DCAF4: variants seen among roughly 807,000 people sequenced by gnomAD.
DCAF4 encodes DDB1- and CUL4-associated factor 4.
A neutral mutation model predicts 60.9 loss-of-function variants in DCAF4; 37 were observed. That is an observed-to-expected ratio of 0.61 (90% confidence interval 0.47 to 0.80). The LOEUF is 0.80. Among genes scored for constraint, DCAF4 ranks in the 30% least tolerant of loss-of-function variants. The pLI, the probability that DCAF4 is intolerant of heterozygous loss-of-function variation, is 0.00. For synonymous variants in DCAF4, 243 were observed against 254.8 expected (o/e 0.95, Z 0.44); for missense variants, 577 against 650.0 (o/e 0.89, Z 1.22).
In DCAF4 at chr14:72,951,801, A is replaced by G. The variant is rs368461746; in HGVS notation, c.732A>G (p.Leu244=). The part of the protein sequence containing the change: ...SLNHLDSHIL[L]CLMGLAETPG... ...TGTCCTTAACAGCTTTTTCCAGGCT[A>G]TGCCTCATGGGACTCGCAGAGACTC... is the stretch of plus-strand genomic sequence containing the variant. Residue 244 remains leucine, a synonymous_variant, in exon 9 of 14, where the codon CTA becomes CTG. Transcript: ENST00000358377. 6.2e-6 allele frequency: 10 copies of G among 1,613,980 alleles called. No individual in the cohort carries two copies. In the African/African-American group the frequency reaches 9.3e-5, roughly 15 times the overall value.
chr14:72,943,139 C>T (rs776278286), intron 6 of DCAF4, 43 bp downstream of exon 6: 6 of 1,573,472 alleles, frequency 3.8e-6, no homozygotes, highest in Non-Finnish European at 5.2e-6. Context: ...GGCTGCCACC[C>T]TCTGGACACT....
At chr14:72,937,855 C>T (rs1889495597) in intron 1 of DCAF4, 116 bp from the exon 2 acceptor site, 2 of 1,396,612 alleles carry the variant, frequency 1.4e-6, no homozygotes, top group African/African-American at 1.5e-5. Flanking sequence ...CTGATGATAA[C>T]CCAGGGTGGG....
intron 1 of DCAF4, among the ~76,000 whole-genome samples, chr14:72,935,767 C>G (rs1050079281): frequency 1.3e-5 from 2 of 152,194 alleles, no homozygotes; most frequent in East Asian, 1.9e-4. Context: ...AGTCCTGCCT[C>G]CTGTGGGTGA....
Position 72,954,504 on chromosome 14 carries a change from C to T in DCAF4, c.1005+21C>T. On this transcript the variant is annotated intron_variant, in intron 11 of 13. Transcript: ENST00000358377. ...TCATGGTTGGTTGGATTGGGACAGG[C>T]AGAATATAAAAGTTTGCCCCATGTA... The T allele has an allele frequency of 6.2e-7, 1 of 1,612,106 alleles. No individual in the cohort carries two copies. Among genetic ancestry groups the T allele is most frequent in the Non-Finnish European group, 8.5e-7 (1 of 1,178,310 alleles).
chr14:72,938,071 G>A lies in DCAF4; in HGVS notation c.92+1G>A. On this transcript the variant is annotated splice_donor_variant, in intron 2 of 13. Transcript: ENST00000358377. LOFTEE classifies it high-confidence loss of function. ...TCAGACTCCGTGATTCTGAAGACAG[G>A]CAAGTGTGCCGCTCTGGGGAGCCAC... 1 of 1,602,494 alleles carries A rather than the reference G, an allele frequency of 6.2e-7. No individual in the cohort carries two copies. The highest frequency in any genetic ancestry group is 8.5e-7 in the Non-Finnish European group (1 of 1,176,654).
Position 72,939,808 on chromosome 14 carries a change from C to T in DCAF4, c.99C>T (p.Asp33=). 6.2e-7 allele frequency: 1 copy of T among 1,611,604 alleles called. No individual in the cohort carries two copies. The highest frequency in any genetic ancestry group is 8.5e-7 in the Non-Finnish European group (1 of 1,178,894). The part of the protein sequence containing the change: ...FRLRDSEDRS[D]SRAAQPAHDS... ...CACAGCTGTGTGTCAACAGGTCTGA[C>T]TCCCGGGCAGCACAGCCCGCTCACG... The change falls in exon 3 of 14, where the codon GAC becomes GAT. Residue 33 remains aspartate, a synonymous_variant. Transcript: ENST00000358377.
intron 13 of DCAF4, 21 bp from the exon 14 acceptor site, chr14:72,958,591 T>C (rs1285222153): frequency 3.1e-6 from 5 of 1,613,824 alleles, no homozygotes; most frequent in Middle Eastern, 1.6e-4. Context: ...TAGCCTGCCA[T>C]GTGTCTCTCC....
Position 72,940,272 on chromosome 14 carries a change from C to T in DCAF4, c.246C>T (p.Leu82=). 6.2e-7 allele frequency: 1 copy of T among 1,614,180 alleles called. No homozygotes were observed. Residue 82 remains leucine (L), a synonymous_variant, in exon 4 of 14, where the codon CTC becomes CTT. Transcript: ENST00000358377. ...DPEKKRYFRL[L]PGHNNCNPLT... ...AAAAGAAACGCTACTTCCGCTTGCT[C>T]CCTGGACATAACAACTGCAACCCCC...
At chr14:72,929,809 G>T in intron 1 of DCAF4, 1 of 1,162,550 alleles carries the variant, frequency 8.6e-7, no homozygotes, top group Non-Finnish European at 1.3e-6. Context: ...ATCATGTCCC[G>T]CTACAAACTT....
At chr14:72,951,946 A>G in intron 9 of DCAF4, 69 bp downstream of exon 9, 1 of 1,552,952 alleles carries the variant, frequency 6.4e-7, no homozygotes. Flanking sequence ...GGTGGCTTAG[A>G]GAGAAGTATG....
intron 1 of DCAF4, chr14:72,926,772 G>A (rs1195547337): frequency 8.5e-5 from 13 of 152,352 alleles, no homozygotes; most frequent in Admixed American, 7.8e-4. Flanking sequence ...GGCCGGATCA[G>A]TGCTGCAACC....
At chr14:72,960,159 T>A (rs1029319597), downstream of DCAF4, among the ~76,000 whole-genome samples, 1 of 80,394 alleles carries the variant, frequency 1.2e-5, no homozygotes, top group Non-Finnish European at 3.2e-5. Context: ...AGAACCAAAT[T>A]TTTTTTTTTT....
At chr14:72,953,638 A>T (rs949653992) in intron 9 of DCAF4, among the ~76,000 whole-genome samples, 12 of 135,700 alleles carry the variant, frequency 8.8e-5, no homozygotes, top group African/African-American at 2.2e-4. Context: ...TGAGCCTGGG[A>T]GGTTGAGGAT....
intron 1 of DCAF4, chr14:72,929,849 G>A (rs1000226251): frequency 6.8e-6 from 10 of 1,462,590 alleles, no homozygotes; most frequent in Non-Finnish European, 7.5e-6. Flanking sequence ...CCGCGGCGGC[G>A]GCTGTGCCTG....
At chr14:72,953,843 C>T (rs1891910634) in intron 9 of DCAF4, among the ~76,000 whole-genome samples, 1 of 132,298 alleles carries the variant, frequency 7.6e-6, no homozygotes, top group African/African-American at 2.9e-5. Flanking sequence ...TACACACACA[C>T]TTGCCTGAGA....
At chr14:72,928,596 T>TATATAAAA (rs1888033739) in intron 1 of DCAF4, among the ~76,000 whole-genome samples, 6 of 27,964 alleles carry the variant, frequency 2.1e-4, no homozygotes, top group Non-Finnish European at 7.9e-5. Flanking sequence ...TATATATATA[T>TATATAAAA]ATATATATAT....
chr14:72,952,456 C>A (rs922298691), intron 9 of DCAF4, among the ~76,000 whole-genome samples: 1 of 152,186 alleles, frequency 6.6e-6, no homozygotes, highest in Non-Finnish European at 1.5e-5. Context: ...TGAGATCATG[C>A]ACATTTAGCC....
intron 1 of DCAF4, among the ~76,000 whole-genome samples, chr14:72,927,186 C>G (rs907846096): frequency 1.3e-5 from 2 of 152,182 alleles, no homozygotes; most frequent in East Asian, 3.9e-4. Context: ...GAAACCATGA[C>G]GCCTTTCACC....
chr14:72,930,249 T>TC (rs1300761883), intron 1 of DCAF4, among the ~76,000 whole-genome samples: 1 of 151,856 alleles, frequency 6.6e-6, no homozygotes, highest in East Asian at 1.9e-4. Context: ...GCTTTTTCTT[T>TC]TTTTTTTTTG....
Sources: gnomAD v4.1 joint callset for allele counts (sites outside exome capture counted in the v4.1 genomes callset) on GRCh38, gnomAD v4.1.1 for gene constraint, MANE v1.5 for transcripts, NCBI Gene and HGNC (gene_info 2026-07-23, HGNC 2026-07-21) for gene names.